The following GPC5 variants were observed in gnomAD, a reference collection of about 807,000 sequenced individuals.
The protein encoded by GPC5 is glypican-5.
A neutral mutation model predicts 53.9 loss-of-function variants in GPC5; 47 were observed. The observed-to-expected ratio is 0.87, with a 90% CI of 0.69 to 1.11. The LOEUF (loss-of-function observed/expected upper bound fraction) is 1.11, where lower values mean the gene tolerates loss of function less well. GPC5 is among the 50% of genes most tolerant of loss of function. The pLI, the probability that GPC5 is intolerant of heterozygous loss-of-function variation, is 0.00. For missense variants in GPC5, 748 were observed against 713.1 expected, an observed-to-expected ratio of 1.05 and a Z score of -0.56; for synonymous variants, 286 against 263.3, an observed-to-expected ratio of 1.09 and a Z score of -0.84.
At chr13:92,500,197 G>T (rs9589565) in intron 7 of GPC5, among the ~76,000 whole-genome samples, 1 of 151,920 alleles carries the variant, frequency 6.6e-6, no homozygotes. Flanking sequence ...GTAGGGGTCC[G>T]TCCCACAGAC....
chr13:91,939,208 C>T (rs965186809), intron 6 of GPC5, among the ~76,000 whole-genome samples: 5 of 152,038 alleles, frequency 3.3e-5, no homozygotes, highest in African/African-American at 1.2e-4. Flanking sequence ...CTCTTTTATA[C>T]AGGCTAACTT....
intron 7 of GPC5, among the ~76,000 whole-genome samples, chr13:92,287,898 G>A (rs2042967225): frequency 6.6e-6 from 1 of 151,794 alleles, no homozygotes; most frequent in Admixed American, 6.6e-5. Flanking sequence ...ACATACACTG[G>A]TATGCTTGAT....
intron 6 of GPC5, among the ~76,000 whole-genome samples, chr13:92,135,299 G>A (rs895919473): frequency 2.0e-5 from 3 of 152,122 alleles, no homozygotes; most frequent in Non-Finnish European, 4.4e-5. Flanking sequence ...TTTCAGAATT[G>A]AGAACATTTG....
intron 7 of GPC5, among the ~76,000 whole-genome samples, chr13:92,625,960 T>G (rs1457149542): frequency 4.6e-5 from 7 of 152,194 alleles, no homozygotes; most frequent in Admixed American, 2.6e-4. Flanking sequence ...CAGGAGCCTG[T>G]GACAGCCATA....
chr13:91,517,117 A>T (rs1243009109), intron 2 of GPC5, among the ~76,000 whole-genome samples: 6 of 152,108 alleles, frequency 3.9e-5, no homozygotes, highest in Admixed American at 6.6e-5. Context: ...GGTCTTGGGG[A>T]TTAAGATTAG....
At chr13:92,854,869 A>C (rs750070765) in intron 7 of GPC5, among the ~76,000 whole-genome samples, 6 of 151,922 alleles carry the variant, frequency 3.9e-5, no homozygotes, top group Non-Finnish European at 8.8e-5. Flanking sequence ...GTTTTGCTGT[A>C]GAGAAGCTTT....
At chr13:91,618,190 C>A (rs1442881753) in intron 2 of GPC5, among the ~76,000 whole-genome samples, 1 of 152,044 alleles carries the variant, frequency 6.6e-6, no homozygotes, top group African/African-American at 2.4e-5. Context: ...AGAAAGTAGT[C>A]CATGCAACCA....
chr13:92,189,459 GC>G (rs2042207575), intron 7 of GPC5, among the ~76,000 whole-genome samples: 1 of 152,016 alleles, frequency 6.6e-6, no homozygotes, highest in Non-Finnish European at 1.5e-5. Flanking sequence ...AGAAGTTCAG[GC>G]TCACTAAAAG....
intron 7 of GPC5, among the ~76,000 whole-genome samples, chr13:92,690,632 G>A (rs1313346249): frequency 6.9e-6 from 1 of 145,588 alleles, no homozygotes; most frequent in Non-Finnish European, 1.5e-5. Flanking sequence ...CTTTGGAGGA[G>A]GAGAGGCGCT....
chr13:91,913,838 A>G lies in GPC5; in HGVS notation c.1401+5781A>G, dbSNP rs188759324. On this transcript the variant is annotated intron_variant, in intron 6 of 7. Coordinates refer to ENST00000377067, the MANE Select transcript of GPC5 (RefSeq NM_004466.6). The stretch of plus-strand genomic sequence containing the variant: ...TGTCCTTTTGAAAATCATCCATGTT[A>G]AATGTGGTATATCCAATGGCCAGTG... Among the ~76,000 whole-genome samples, 229 of 152,310 alleles carry G rather than the reference A, an allele frequency of 1.5e-3. 1 individual carries two copies. The Middle Eastern group carries it at 0.051, about 34-fold the overall frequency.
At chr13:91,501,240 G>GTTTTTT (rs140865584) in intron 2 of GPC5, among the ~76,000 whole-genome samples, 3 of 106,420 alleles carry the variant, frequency 2.8e-5, no homozygotes, top group African/African-American at 3.1e-5. Flanking sequence ...TTAAGACTTT[G>GTTTTTT]TTTTTTTTTT....
chr13:92,180,813 C>T lies in GPC5; in HGVS notation c.1561+35824C>T, dbSNP rs2042141447. The T allele has an allele frequency of 1.7e-5, 4 of 232,234 alleles. No homozygotes were observed. The South Asian group carries it at 2.6e-4, about 15-fold the overall frequency. 14.4% of individuals were successfully genotyped at this position (232,234 alleles called of 1,614,324 possible). On this transcript the variant is annotated intron_variant, in intron 7 of 7. Coordinates refer to ENST00000377067, the MANE Select transcript of GPC5 (RefSeq NM_004466.6). The stretch of plus-strand genomic sequence containing the variant: ...TTCAATTTTCTTGTTAATTTTCTTT[C>T]CTTCCCATCCCAATCCTGATGCTGA...
At chr13:92,622,696 C>T (rs1884913848) in intron 7 of GPC5, among the ~76,000 whole-genome samples, 1 of 152,184 alleles carries the variant, frequency 6.6e-6, no homozygotes, top group East Asian at 1.9e-4. Context: ...TTCTGAGTAG[C>T]TGGGATTACT....
intron 1 of GPC5, among the ~76,000 whole-genome samples, chr13:91,432,184 A>ACTGCTGCTG (rs1260967783): frequency 7.7e-6 from 1 of 129,214 alleles, no homozygotes; most frequent in African/African-American, 3.3e-5. Context: ...TGCTGCTTCC[A>ACTGCTGCTG]CTGCTGCTGC....
intron 7 of GPC5, among the ~76,000 whole-genome samples, chr13:92,236,313 A>G (rs2042569280): frequency 6.6e-6 from 1 of 152,102 alleles, no homozygotes; most frequent in Admixed American, 6.6e-5. Flanking sequence ...CTAAAATTGT[A>G]TGAGAGGACA....
chr13:92,636,518 T>TGAAGCA (rs1885409348), intron 7 of GPC5, among the ~76,000 whole-genome samples: 2 of 152,200 alleles, frequency 1.3e-5, no homozygotes, highest in South Asian at 4.1e-4. Flanking sequence ...CCTTATACTT[T>TGAAGCA]GAAGCAGAAG....
chr13:91,426,799 T>A (rs1442922466), intron 1 of GPC5, among the ~76,000 whole-genome samples: 1 of 152,168 alleles, frequency 6.6e-6, no homozygotes, highest in Non-Finnish European at 1.5e-5. Context: ...CTGTCTCTCC[T>A]AGTCCACTGA....
intron 2 of GPC5, among the ~76,000 whole-genome samples, chr13:91,559,734 G>A (rs1042720721): frequency 6.6e-6 from 1 of 151,914 alleles, no homozygotes; most frequent in Non-Finnish European, 1.5e-5. Flanking sequence ...TGAAAATTTT[G>A]TGATAACCTC....
chr13:91,750,645 T>C (rs1368747474), intron 4 of GPC5, among the ~76,000 whole-genome samples: 1 of 151,492 alleles, frequency 6.6e-6, no homozygotes, highest in East Asian at 1.9e-4. Context: ...AGGGCCAACA[T>C]TAATTTGCTC....
Sources: allele counts gnomAD v4.1 joint callset (sites outside exome capture counted in the v4.1 genomes callset), GRCh38; gene constraint gnomAD v4.1.1; transcripts MANE v1.5; gene names NCBI Gene and HGNC (gene_info 2026-07-23, HGNC 2026-07-21).